Variants in NDC1 observed in about 807,000 individuals in gnomAD.
NDC1 encodes NDC1 transmembrane nucleoporin.
In NDC1, 24 loss-of-function variants were observed where a neutral mutation model predicts 89.8. The ratio of observed to expected loss-of-function variants is 0.27; its 90% CI spans 0.19 to 0.38. The LOEUF (loss-of-function observed/expected upper bound fraction) is 0.38. Ranked by LOEUF, NDC1 falls within the 10% of genes least tolerant of loss-of-function variation. The pLI, the probability that NDC1 is intolerant of heterozygous loss-of-function variation, is 1.00. For synonymous variants in NDC1, 296 were observed against 284.8 expected (o/e 1.04, Z -0.39); for missense variants, 728 against 797.6 (o/e 0.91, Z 1.05).
intron 15 of NDC1, among the ~76,000 whole-genome samples, chr1:53,787,961 T>C (rs1356774691): frequency 6.6e-6 from 1 of 151,708 alleles, no homozygotes; most frequent in African/African-American, 2.4e-5. Flanking sequence ...GAGACGGCTG[T>C]ATCTATAAGA....
chr1:53,798,138 T>TTTTATTA (rs138762442), intron 11 of NDC1, among the ~76,000 whole-genome samples: 2 of 133,022 alleles, frequency 1.5e-5, no homozygotes, highest in Non-Finnish European at 3.1e-5. Context: ...CCATCTTCTT[T>TTTTATTA]TTATTATTAT....
chr1:53,835,707 A>G, intron 1 of NDC1, 87 bp from the exon 2 acceptor site: 1 of 1,147,766 alleles, frequency 8.7e-7, no homozygotes, highest in Non-Finnish European at 1.3e-6. Flanking sequence ...CAGGATGTTA[A>G]CCACTAACTC....
intron 3 of NDC1, among the ~76,000 whole-genome samples, chr1:53,830,070 G>C (rs1402061342): frequency 7.9e-5 from 12 of 152,030 alleles, no homozygotes. Flanking sequence ...AGAATCACTT[G>C]AACCCGGGAG....
chr1:53,793,960 T>C (rs1647608642), intron 13 of NDC1, among the ~76,000 whole-genome samples: 1 of 151,738 alleles, frequency 6.6e-6, no homozygotes, highest in Admixed American at 6.6e-5. Context: ...AGAGTATGTT[T>C]CTCTCACAGG....
intron 5 of NDC1, among the ~76,000 whole-genome samples, chr1:53,823,188 C>T (rs112905562): frequency 1.3e-5 from 2 of 152,102 alleles, no homozygotes; most frequent in African/African-American, 4.8e-5. Context: ...ACTGCCCTTC[C>T]ACCACACCAC....
chr1:53,791,435 G>GAA (rs35668416), intron 14 of NDC1, among the ~76,000 whole-genome samples: 23 of 95,234 alleles, frequency 2.4e-4, no homozygotes, highest in African/African-American at 7.4e-4. Context: ...GACTCCGTCT[G>GAA]AAAAAAAAAA....
At chr1:53,812,990 T>C (rs1360765597) in intron 6 of NDC1, among the ~76,000 whole-genome samples, 1 of 152,214 alleles carries the variant, frequency 6.6e-6, no homozygotes, top group Non-Finnish European at 1.5e-5. Flanking sequence ...GCCAAGAATT[T>C]TGTATCCAGC....
At chr1:53,818,561 T>G (rs536219049) in intron 6 of NDC1, among the ~76,000 whole-genome samples, 24 of 152,338 alleles carry the variant, frequency 1.6e-4, no homozygotes, top group Non-Finnish European at 3.1e-4. Flanking sequence ...CTATACCCAC[T>G]GAACAACTCC....
At chr1:53,783,471 A>T (rs1647236535) in intron 16 of NDC1, among the ~76,000 whole-genome samples, 1 of 152,108 alleles carries the variant, frequency 6.6e-6, no homozygotes, top group African/African-American at 2.4e-5. Flanking sequence ...ATCTTTTCTC[A>T]ACATCCAAAA....
chr1:53,832,402 A>G, intron 3 of NDC1, 88 bp downstream of exon 3: 1 of 685,730 alleles, frequency 1.5e-6, no homozygotes, highest in South Asian at 2.0e-5. Flanking sequence ...TTTTGACACA[A>G]AACACATTCA....
chr1:53,827,692 CTCA>C (rs1648916487), intron 4 of NDC1, among the ~76,000 whole-genome samples: 1 of 152,220 alleles, frequency 6.6e-6, no homozygotes, highest in South Asian at 2.1e-4. Flanking sequence ...GTCTGCACAT[CTCA>C]CTTTCTTCAT....
At chr1:53,794,061 T>C (rs1647614659) in intron 13 of NDC1, among the ~76,000 whole-genome samples, 1 of 152,038 alleles carries the variant, frequency 6.6e-6, no homozygotes, top group East Asian at 1.9e-4. Context: ...CTGCAACCTC[T>C]GCTTTCTGGG....
intron 5 of NDC1, among the ~76,000 whole-genome samples, chr1:53,821,379 G>A (rs971505117): frequency 6.6e-6 from 1 of 152,186 alleles, no homozygotes; most frequent in African/African-American, 2.4e-5. Flanking sequence ...GAGAGTTCAA[G>A]TTGCAGTGAG....
At chr1:53,814,174 A>G (rs539597965) in intron 6 of NDC1, among the ~76,000 whole-genome samples, 1 of 152,246 alleles carries the variant, frequency 6.6e-6, no homozygotes, top group Admixed American at 6.5e-5. Flanking sequence ...CAACACTGTG[A>G]AACCCCGTCT....
chr1:53,774,091 ATTATGTCCTCTCCTG>A (rs1464439910), intron 16 of NDC1, among the ~76,000 whole-genome samples: 1 of 152,146 alleles, frequency 6.6e-6, no homozygotes, highest in Admixed American at 6.6e-5. Flanking sequence ...TTTTGTTGCT[ATTATGTCCTCTCCTG>A]TTTATGGATT....
At chr1:53,807,499 T>C (rs758857841) in intron 8 of NDC1, among the ~76,000 whole-genome samples, 157 bp downstream of exon 8, 6 of 151,908 alleles carry the variant, frequency 3.9e-5, no homozygotes, top group African/African-American at 1.5e-4. Flanking sequence ...ACATAAATGG[T>C]GGTTACAAAT....
Position 53,772,481 on chromosome 1 carries a change from G to A in NDC1, c.1809C>T (p.Asp603=). The change falls in exon 17 of 18, where the codon GAC becomes GAT. Residue 603 remains aspartate, a synonymous_variant. Coordinates refer to ENST00000371429, the MANE Select transcript of NDC1 (RefSeq NM_018087.5). ...AAGCATGAGGAAGCTTAAAGTACTT[G>A]TCGACTGCCTACACCAAGAAAGAAA... ...NTLLTLQEAV[D]KYFKLPHASS... The A allele has an allele frequency of 6.2e-7, 1 of 1,612,932 alleles. No homozygotes were observed. Among genetic ancestry groups the A allele is most frequent in the African/African-American group, 1.3e-5 (1 of 74,974 alleles).
chr1:53,796,602 T>A, intron 13 of NDC1, 87 bp downstream of exon 13: 1 of 747,520 alleles, frequency 1.3e-6, no homozygotes, highest in Non-Finnish European at 2.0e-6. Context: ...AAAAAAAGCT[T>A]CTTATTCCTG....
intron 9 of NDC1, among the ~76,000 whole-genome samples, chr1:53,804,688 G>A (rs1051045410): frequency 3.9e-5 from 6 of 152,108 alleles, no homozygotes; most frequent in African/African-American, 1.4e-4. Flanking sequence ...TGTTGGCCAG[G>A]TTGTTCTCAA....
Sources: gnomAD v4.1 joint callset for allele counts (sites outside exome capture counted in the v4.1 genomes callset) on GRCh38, gnomAD v4.1.1 for gene constraint, MANE v1.5 for transcripts, NCBI Gene and HGNC (gene_info 2026-07-23, HGNC 2026-07-21) for gene names.